Variants in ACSL4 observed in about 807,000 individuals in gnomAD.
ACSL4 encodes the protein long-chain-fatty-acid--CoA ligase 4.
A neutral mutation model predicts 49.1 loss-of-function variants in ACSL4; 9 were observed. That is an observed-to-expected ratio of 0.18 (90% CI 0.11 to 0.32). ACSL4 has a LOEUF of 0.32. ACSL4 is among the 10% of genes least tolerant of loss of function. The pLI is 1.00. For synonymous variants in ACSL4, 191 were observed against 170.3 expected (o/e 1.12, Z -0.95); for missense variants, 333 against 493.7 (o/e 0.67, Z 3.08).
At chrX:109,679,448 T>C (rs1354325900) in intron 6 of ACSL4, among the ~76,000 whole-genome samples, 1 of 112,657 alleles carries the variant, frequency 8.9e-6, no homozygotes, top group Admixed American at 9.4e-5. Flanking sequence ...CCAGTTAAAA[T>C]AACATTTTTT....
intron 3 of ACSL4, 105 bp downstream of exon 3, chrX:109,683,031 A>G: frequency 2.0e-6 from 2 of 1,024,166 alleles, no homozygotes; most frequent in Admixed American, 5.1e-5. Flanking sequence ...AGTTTTACAC[A>G]GCACTATAAT....
chrX:109,724,714 C>T (rs1378895208), intron 1 of ACSL4, among the ~76,000 whole-genome samples: 2 of 108,131 alleles, frequency 1.8e-5, no homozygotes, highest in African/African-American at 6.7e-5. Flanking sequence ...GAGTTTGAGA[C>T]CAGCCTGGCC....
At chrX:109,647,234 C>T (rs1288885901) in intron 15 of ACSL4, among the ~76,000 whole-genome samples, 2 of 111,430 alleles carry the variant, frequency 1.8e-5, no homozygotes, top group Admixed American at 9.5e-5. Flanking sequence ...TTTTCAGCAC[C>T]ACACCACACC....
intron 15 of ACSL4, among the ~76,000 whole-genome samples, chrX:109,653,965 T>C (rs1376094176): frequency 1.8e-5 from 2 of 109,686 alleles, no homozygotes; most frequent in East Asian, 5.7e-4. Context: ...TAATAATTTT[T>C]AAAAAAATTT....
intron 1 of ACSL4, among the ~76,000 whole-genome samples, chrX:109,727,609 C>T (rs1410916772): frequency 9.3e-6 from 1 of 107,918 alleles, no homozygotes; most frequent in Non-Finnish European, 1.9e-5. Context: ...CACAATATCA[C>T]CTGGAAATGT....
intron 1 of ACSL4, among the ~76,000 whole-genome samples, chrX:109,708,962 G>C (rs1265765430): frequency 3.6e-5 from 4 of 111,848 alleles, no homozygotes; most frequent in Middle Eastern, 4.6e-3. Context: ...ACAATCATGA[G>C]GGGTTCTGCA....
chrX:109,721,805 C>T (rs1215787380), intron 1 of ACSL4, among the ~76,000 whole-genome samples: 3 of 111,306 alleles, frequency 2.7e-5, no homozygotes. Context: ...ACTCCATTAA[C>T]CTCATAACTA....
intron 15 of ACSL4, among the ~76,000 whole-genome samples, chrX:109,646,361 A>G (rs747603253): frequency 0.013 from 1,401 of 111,826 alleles, 22 homozygotes; most frequent in African/African-American, 0.043. Context: ...AGTGGGGGCC[A>G]ATATACAACA....
At chrX:109,713,115 GA>G (rs1383952516) in intron 1 of ACSL4, among the ~76,000 whole-genome samples, 3 of 110,638 alleles carry the variant, frequency 2.7e-5, no homozygotes, top group African/African-American at 9.9e-5. Flanking sequence ...GATGGGAAAG[GA>G]AAGAATTTGA....
chrX:109,715,137 C>T (rs925842847), intron 1 of ACSL4, among the ~76,000 whole-genome samples: 5 of 111,498 alleles, frequency 4.5e-5, no homozygotes, highest in Non-Finnish European at 9.4e-5. Context: ...TATATACATA[C>T]GTTTTCTAAA....
chrX:109,690,539 TATAAC>T (rs1164653702), intron 2 of ACSL4, among the ~76,000 whole-genome samples: 1 of 111,722 alleles, frequency 9.0e-6, no homozygotes, highest in East Asian at 2.8e-4. Flanking sequence ...ATTTTAAAGA[TATAAC>T]AGACTCAGAG....
intron 1 of ACSL4, among the ~76,000 whole-genome samples, chrX:109,704,749 A>C (rs1289734851): frequency 1.8e-5 from 2 of 111,763 alleles, no homozygotes. Flanking sequence ...AATGGTGGTG[A>C]CCAGGGGCTG....
chrX:109,707,003 G>A (rs1378684307), intron 1 of ACSL4, among the ~76,000 whole-genome samples: 2 of 111,897 alleles, frequency 1.8e-5, no homozygotes, highest in Non-Finnish European at 3.8e-5. Context: ...AATGCCTAAC[G>A]TAATGAGCAG....
At position 109,671,982 on chromosome X, in the gene ACSL4, G is replaced by A. The variant is rs866799; in HGVS notation, c.1002+2420C>T. On this transcript the variant is annotated intron_variant, in intron 9 of 15. Coordinates refer to ENST00000672401, the MANE Select transcript of ACSL4 (RefSeq NM_001318510.2). The stretch of plus-strand genomic sequence containing the variant: ...CTGCCTAGGAAAACCAGAGACCTTT[G>A]TTCACATGTTTATCTGCTGACCTTC... Among the ~76,000 whole-genome samples, 64 of 101,909 alleles carry A rather than the reference G, an allele frequency of 6.3e-4. No individual in the cohort carries two copies. In the East Asian group the frequency reaches 0.015, roughly 25 times the overall value. 88.5% of individuals were successfully genotyped at this position (101,909 alleles called of 115,157 possible).
At chrX:109,679,976 G>A (rs765962790) in intron 6 of ACSL4, among the ~76,000 whole-genome samples, 7 of 111,851 alleles carry the variant, frequency 6.3e-5, no homozygotes, top group Non-Finnish European at 1.1e-4. Context: ...CAGAGACATT[G>A]ACTTTGTTCC....
chrX:109,677,909 T>C (rs1923853425), intron 8 of ACSL4, 79 bp downstream of exon 8: 8 of 1,163,326 alleles, frequency 6.9e-6, no homozygotes, highest in Non-Finnish European at 9.4e-6. Context: ...AATTAAAATA[T>C]CTCGAGTCCT....
intron 15 of ACSL4, among the ~76,000 whole-genome samples, chrX:109,654,178 T>C (rs745418950): frequency 1.8e-5 from 2 of 110,239 alleles, no homozygotes; most frequent in South Asian, 7.5e-4. Context: ...TGGGACTATT[T>C]AGTATTTAAA....
chrX:109,664,202 A>G (rs1045778334), intron 12 of ACSL4, among the ~76,000 whole-genome samples: 1 of 111,351 alleles, frequency 9.0e-6, no homozygotes, highest in South Asian at 3.8e-4. Context: ...GTATAAAGCC[A>G]AAGAGTCTTC....
chrX:109,694,110 C>T (rs905994972), intron 2 of ACSL4, among the ~76,000 whole-genome samples: 8 of 111,980 alleles, frequency 7.1e-5, no homozygotes, highest in South Asian at 3.7e-4. Flanking sequence ...TAGCTGAATT[C>T]GGTGACAGCT....
Sources: allele counts gnomAD v4.1 joint callset (sites outside exome capture counted in the v4.1 genomes callset), GRCh38; gene constraint gnomAD v4.1.1; transcripts MANE v1.5; gene names NCBI Gene and HGNC (gene_info 2026-07-23, HGNC 2026-07-21).